The following TRPS1 variants were observed in gnomAD, a reference collection of about 807,000 sequenced individuals.
The protein encoded by TRPS1 is transcriptional repressor GATA binding 1.
TRPS1 carries 6 observed loss-of-function variants against 101.2 expected under a neutral mutation model. The observed-to-expected ratio is 0.06, with a 90% confidence interval of 0.03 to 0.12. TRPS1 has a LOEUF of 0.12. TRPS1 is among the 10% of genes least tolerant of loss of function. The probability of loss-of-function intolerance (pLI) is 1.00; values close to 1 mark genes in which losing one functional copy is unlikely to be tolerated. For synonymous variants in TRPS1, 578 were observed against 589.8 expected (o/e 0.98, Z 0.29); for missense variants, 1,363 against 1,567.0 (o/e 0.87, Z 2.20).
intron 1 of TRPS1, among the ~76,000 whole-genome samples, chr8:115,653,706 C>G (rs1811615099): frequency 6.6e-6 from 1 of 152,130 alleles, no homozygotes; most frequent in South Asian, 2.1e-4. Context: ...ACAAGGCTGC[C>G]TTCTGGCTAA....
chr8:115,591,512 T>C (rs1817678305), intron 4 of TRPS1, among the ~76,000 whole-genome samples: 1 of 152,122 alleles, frequency 6.6e-6, no homozygotes, highest in Non-Finnish European at 1.5e-5. Flanking sequence ...AGACAAGGTG[T>C]CTGAGTCTTC....
intron 1 of TRPS1, among the ~76,000 whole-genome samples, chr8:115,628,615 C>T (rs73703342): frequency 6.6e-6 from 1 of 151,878 alleles, no homozygotes; most frequent in African/African-American, 2.4e-5. Flanking sequence ...AAAAAGTAAA[C>T]ATATAATCCG....
At chr8:115,527,363 A>C (rs1469012657) in intron 5 of TRPS1, among the ~76,000 whole-genome samples, 1 of 152,130 alleles carries the variant, frequency 6.6e-6, no homozygotes, top group Admixed American at 6.6e-5. Flanking sequence ...ACAAGGTGAA[A>C]TAGCTTAACT....
intron 5 of TRPS1, among the ~76,000 whole-genome samples, chr8:115,551,458 T>C (rs1816702533): frequency 6.6e-6 from 1 of 152,216 alleles, no homozygotes; most frequent in East Asian, 1.9e-4. Context: ...ATACTGTATG[T>C]GGTTTAGTAC....
intron 4 of TRPS1, among the ~76,000 whole-genome samples, chr8:115,589,117 C>T (rs1034451226): frequency 1.3e-5 from 2 of 152,142 alleles, no homozygotes; most frequent in African/African-American, 4.8e-5. Context: ...AAGGAAGCCA[C>T]ATTCTAGCTA....
At chr8:115,591,744 G>A (rs868470332) in intron 4 of TRPS1, among the ~76,000 whole-genome samples, 5 of 152,158 alleles carry the variant, frequency 3.3e-5, no homozygotes, top group South Asian at 2.1e-4. Context: ...TAAGTTTTCC[G>A]TGAGACCCAG....
chr8:115,596,630 ATATG>A (rs900996215), intron 4 of TRPS1, among the ~76,000 whole-genome samples: 4 of 151,948 alleles, frequency 2.6e-5, no homozygotes, highest in South Asian at 2.1e-4. Flanking sequence ...ACAGTAGAGT[ATATG>A]TATATGATAT....
chr8:115,474,815 G>A (rs1272017954), intron 5 of TRPS1, among the ~76,000 whole-genome samples: 1 of 152,102 alleles, frequency 6.6e-6, no homozygotes, highest in African/African-American at 2.4e-5. Context: ...AGCTGTGCAA[G>A]TGGATTTAAA....
intron 5 of TRPS1, among the ~76,000 whole-genome samples, chr8:115,425,610 A>G (rs1318003017): frequency 6.6e-6 from 1 of 152,202 alleles, no homozygotes; most frequent in Non-Finnish European, 1.5e-5. Context: ...TGCTGTGCTA[A>G]ACACATTAGC....
intron 5 of TRPS1, among the ~76,000 whole-genome samples, chr8:115,551,902 T>A (rs1816714493): frequency 6.6e-6 from 1 of 152,310 alleles, no homozygotes; most frequent in Non-Finnish European, 1.5e-5. Flanking sequence ...GGCCAGTCCG[T>A]CTGCTCTCAC....
intron 1 of TRPS1, among the ~76,000 whole-genome samples, chr8:115,645,535 AC>A (rs1297041495): frequency 6.6e-6 from 1 of 152,152 alleles, no homozygotes. Flanking sequence ...AATTAAAACA[AC>A]CTACTGAAAA....
chr8:115,442,605 G>A (rs1480814204), intron 5 of TRPS1, among the ~76,000 whole-genome samples: 1 of 151,630 alleles, frequency 6.6e-6, no homozygotes, highest in Non-Finnish European at 1.5e-5. Context: ...GTGTGTGTTT[G>A]GGGGAAGGAA....
At chr8:115,483,063 A>C (rs1383190412) in intron 5 of TRPS1, among the ~76,000 whole-genome samples, 2 of 152,170 alleles carry the variant, frequency 1.3e-5, no homozygotes, top group Middle Eastern at 3.2e-3. Flanking sequence ...AGGAGCAGAC[A>C]TCATACCTTA....
intron 5 of TRPS1, among the ~76,000 whole-genome samples, chr8:115,541,074 C>T (rs1816440943): frequency 6.6e-6 from 1 of 152,070 alleles, no homozygotes; most frequent in African/African-American, 2.4e-5. Flanking sequence ...TTAATAAGTT[C>T]ACATACCATA....
intron 5 of TRPS1, among the ~76,000 whole-genome samples, chr8:115,471,810 G>A (rs1350375445): frequency 4.6e-5 from 7 of 152,158 alleles, no homozygotes; most frequent in East Asian, 1.9e-4. Context: ...ATGCAAGTCC[G>A]AAATCCACTA....
At chr8:115,488,711 T>C (rs1423968265) in intron 5 of TRPS1, among the ~76,000 whole-genome samples, 3 of 152,000 alleles carry the variant, frequency 2.0e-5, no homozygotes, top group African/African-American at 7.2e-5. Context: ...AAACCAGACA[T>C]TTTTCAAAGA....
chr8:115,497,111 C>A (rs986661830), intron 5 of TRPS1, among the ~76,000 whole-genome samples: 11 of 152,180 alleles, frequency 7.2e-5, no homozygotes, highest in Admixed American at 5.2e-4. Flanking sequence ...AACACAGTAC[C>A]TTTACACAGT....
chr8:115,546,907 T>C (rs2130324950), intron 5 of TRPS1, among the ~76,000 whole-genome samples: 1 of 152,260 alleles, frequency 6.6e-6, no homozygotes, highest in African/African-American at 2.4e-5. Context: ...TATTAAATAA[T>C]TCAAAGAAAA....
At chr8:115,633,253 T>C (rs1818690559) in intron 1 of TRPS1, among the ~76,000 whole-genome samples, 1 of 151,758 alleles carries the variant, frequency 6.6e-6, no homozygotes, top group Non-Finnish European at 1.5e-5. Context: ...GGTGAGGGGT[T>C]TGAAAAGAGA....
Sources: gnomAD v4.1 joint callset for allele counts (sites outside exome capture counted in the v4.1 genomes callset) on GRCh38, gnomAD v4.1.1 for gene constraint, MANE v1.5 for transcripts, NCBI Gene and HGNC (gene_info 2026-07-23, HGNC 2026-07-21) for gene names.